Variants in NF1 observed in about 807,000 individuals in gnomAD.
NF1 encodes neurofibromin 1.
NF1 carries 122 observed loss-of-function variants against 325.7 expected under a neutral mutation model. The observed-to-expected ratio is 0.37, with a 90% CI of 0.32 to 0.44. NF1 has a LOEUF of 0.44. Ranked by LOEUF, NF1 falls within the 20% of genes least tolerant of loss-of-function variation. The pLI, the probability that NF1 is intolerant of heterozygous loss-of-function variation, is 1.00. For missense variants in NF1, 2,140 were observed against 3,415.4 expected, an observed-to-expected ratio of 0.63 and a Z score of 9.31; for synonymous variants, 1,091 against 1,186.0, an observed-to-expected ratio of 0.92 and a Z score of 1.65.
intron 36 of NF1, among the ~76,000 whole-genome samples, chr17:31,298,218 A>T (rs779501351): frequency 1.3e-5 from 2 of 152,132 alleles, no homozygotes; most frequent in Non-Finnish European, 2.9e-5. Context: ...ATTTTTCATC[A>T]TGAGTTTTAT....
chr17:31,186,409 G>A (rs184722488), intron 8 of NF1, among the ~76,000 whole-genome samples: 14 of 152,304 alleles, frequency 9.2e-5, no homozygotes, highest in Admixed American at 3.3e-4. Flanking sequence ...TGGTGAAGGG[G>A]AATCTTCCCA....
chr17:31,206,216 C>CT, intron 11 of NF1, 24 bp from the exon 12 acceptor site: 1 of 1,612,954 alleles, frequency 6.2e-7, no homozygotes, highest in South Asian at 1.1e-5. Context: ...CTTTTTCTTC[C>CT]TATTGGTCTT....
At chr17:31,230,955 TG>T in intron 24 of NF1, 30 bp downstream of exon 24, 1 of 1,518,242 alleles carries the variant, frequency 6.6e-7, no homozygotes, top group Non-Finnish European at 9.1e-7. Context: ...CAAGTATTAG[TG>T]GGTTTTACTG....
chr17:31,215,348 C>G (rs1211156225), intron 13 of NF1, among the ~76,000 whole-genome samples: 1 of 152,152 alleles, frequency 6.6e-6, no homozygotes, highest in Non-Finnish European at 1.5e-5. Flanking sequence ...GAACATCACT[C>G]TGGTACACAG....
At chr17:31,248,211 AC>A (rs1335537739) in intron 29 of NF1, among the ~76,000 whole-genome samples, 4 of 50,156 alleles carry the variant, frequency 8.0e-5, no homozygotes, top group Non-Finnish European at 1.6e-4. Flanking sequence ...CCCCGCCCCC[AC>A]CCCCCACCAA....
chr17:31,200,419 T>C lies in NF1; in HGVS notation c.889-3T>C. The C allele has an allele frequency of 6.2e-7, 1 of 1,614,030 alleles. No homozygotes were observed. The highest frequency in any genetic ancestry group is 8.5e-7 in the Non-Finnish European group (1 of 1,179,936). ...ATCTTATCGCTATATTTGAATTCTG[T>C]AGAAGTTATTTCTGGACAGTCTACG... On this transcript the variant is annotated splice_region_variant and splice_polypyrimidine_tract_variant and intron_variant, in intron 8 of 57. Coordinates refer to ENST00000358273, the MANE Select transcript of NF1 (RefSeq NM_001042492.3).
At chr17:31,263,310 C>T (rs543777065) in intron 35 of NF1, among the ~76,000 whole-genome samples, 3 of 151,990 alleles carry the variant, frequency 2.0e-5, no homozygotes, top group Admixed American at 6.6e-5. Context: ...TGTGATGGTA[C>T]GCACCTGTGG....
chr17:31,130,462 C>T (rs1021895959), intron 1 of NF1, among the ~76,000 whole-genome samples: 5 of 150,810 alleles, frequency 3.3e-5, no homozygotes, highest in African/African-American at 7.3e-5. Flanking sequence ...AAGGCCAGGG[C>T]GGGGGGCTGC....
At chr17:31,367,368 C>T in intron 57 of NF1, 1 of 840,342 alleles carries the variant, frequency 1.2e-6, no homozygotes, top group South Asian at 1.5e-5. Context: ...CTCACCGGTC[C>T]CTGTAAGCTC....
At position 31,155,979 on chromosome 17, in the gene NF1, T is replaced by C; in HGVS notation, c.61-4T>C. On this transcript the variant is annotated splice_region_variant and splice_polypyrimidine_tract_variant and intron_variant, in intron 1 of 57. Coordinates refer to ENST00000358273, the MANE Select transcript of NF1 (RefSeq NM_001042492.3). ...AACGTGTTTTTTTTTTCTTTTTTTTTCAGCTTCCAATAAAAACAGGACAGC... is the reference window on the plus strand; with the variant it reads ...AACGTGTTTTTTTTTTCTTTTTTTTCCAGCTTCCAATAAAAACAGGACAGC... 1 of 1,612,488 alleles carries C rather than the reference T, an allele frequency of 6.2e-7. No homozygotes were observed. The highest frequency in any genetic ancestry group is 8.5e-7 in the Non-Finnish European group (1 of 1,179,422).
Position 31,325,123 on chromosome 17 carries a change from G to T in NF1, c.4836-697G>T, listed in dbSNP as rs541315073. 2.6e-5 allele frequency among the ~76,000 whole-genome samples: 4 copies of T among 152,188 alleles called. No individual in the cohort carries two copies. The South Asian group carries it at 8.3e-4, about 32-fold the overall frequency. On this transcript the variant is annotated intron_variant, in intron 36 of 57. Transcript: ENST00000358273. ...CTTAATCAAAAAATGGTATTTATTG[G>T]CTTATGTAACTGAGCAGTCCTGGGA...
intron 29 of NF1, 110 bp downstream of exon 29, chr17:31,236,131 T>C: frequency 1.3e-6 from 1 of 774,128 alleles, no homozygotes; most frequent in Non-Finnish European, 2.2e-6. Flanking sequence ...ATCATTAAAA[T>C]TAGTTTTTAA....
intron 36 of NF1, chr17:31,319,018 G>T: frequency 6.3e-7 from 1 of 1,588,942 alleles, no homozygotes; most frequent in Non-Finnish European, 8.5e-7. Flanking sequence ...GGGCATGCTT[G>T]GCAATCTGTT....
intron 31 of NF1, among the ~76,000 whole-genome samples, chr17:31,256,672 T>A (rs2067588752): frequency 6.6e-6 from 1 of 152,230 alleles, no homozygotes; most frequent in African/African-American, 2.4e-5. Flanking sequence ...TCTATAGTTT[T>A]AGCTAAAACT....
chr17:31,258,589 TA>T, intron 32 of NF1, 87 bp downstream of exon 32: 1 of 1,315,672 alleles, frequency 7.6e-7, no homozygotes, highest in East Asian at 2.4e-5. Context: ...CTTACATTTA[TA>T]TTTGAAATAC....
chr17:31,151,048 AT>A (rs1188732674), intron 1 of NF1, among the ~76,000 whole-genome samples: 194 of 151,914 alleles, frequency 1.3e-3, no homozygotes, highest in Admixed American at 3.2e-3. Context: ...AAAAAAATAA[AT>A]AAATAAATAA....
intron 3 of NF1, among the ~76,000 whole-genome samples, chr17:31,162,254 A>G (rs1308622782): frequency 2.6e-5 from 4 of 152,060 alleles, no homozygotes; most frequent in African/African-American, 9.7e-5. Flanking sequence ...AGGAGGGCGG[A>G]TCACTTGAGG....
At chr17:31,170,489 T>A (rs1176720559) in intron 5 of NF1, among the ~76,000 whole-genome samples, 3 of 152,242 alleles carry the variant, frequency 2.0e-5, no homozygotes, top group African/African-American at 7.2e-5. Flanking sequence ...ACTGACTGAC[T>A]TTATAGCATT....
At chr17:31,304,409 G>A in intron 36 of NF1, 4 of 1,614,176 alleles carry the variant, frequency 2.5e-6, no homozygotes, top group Non-Finnish European at 3.4e-6. Flanking sequence ...GGCAAGTTAA[G>A]TGAGTCAAGC....
Sources: gnomAD v4.1 joint callset for allele counts (sites outside exome capture counted in the v4.1 genomes callset) on GRCh38, gnomAD v4.1.1 for gene constraint, MANE v1.5 for transcripts, NCBI Gene and HGNC (gene_info 2026-07-23, HGNC 2026-07-21) for gene names.